The following NFIL3 variants were observed in gnomAD, a reference collection of about 807,000 sequenced individuals.
NFIL3 encodes nuclear factor interleukin-3-regulated protein.
NFIL3 carries 5 observed loss-of-function variants against 10.0 expected under a neutral mutation model. The ratio of observed to expected loss-of-function variants is 0.50; its 90% CI spans 0.26 to 1.06. The LOEUF (loss-of-function observed/expected upper bound fraction) is 1.06, where lower values mean the gene tolerates loss of function less well. Ranked by LOEUF, NFIL3 falls within the 50% of genes least tolerant of loss-of-function variation. NFIL3 has a pLI of 0.13. For missense variants in NFIL3, 436 were observed against 547.6 expected (o/e 0.80, Z 2.03); for synonymous variants, 202 against 206.5 (o/e 0.98, Z 0.19).
chr9:91,449,743 C>T, the NFIL3 span, among the ~76,000 whole-genome samples: 1 of 152,190 alleles, frequency 6.6e-6, no homozygotes, highest in Non-Finnish European at 1.5e-5. Context: ...AAAGTTTCCT[C>T]TCCTCTTCTA....
chr9:91,449,344 G>C, the NFIL3 span, among the ~76,000 whole-genome samples: 11 of 152,056 alleles, frequency 7.2e-5, no homozygotes, highest in East Asian at 2.1e-3. Flanking sequence ...CGGGTTTTTC[G>C]TAAATGCTCT....
the NFIL3 span, among the ~76,000 whole-genome samples, chr9:91,482,570 G>A: frequency 6.6e-6 from 1 of 152,046 alleles, no homozygotes; most frequent in Non-Finnish European, 1.5e-5. Context: ...TGCGATCTTG[G>A]CTCACTATAA....
chr9:91,464,855 T>C, the NFIL3 span, among the ~76,000 whole-genome samples: 1 of 152,122 alleles, frequency 6.6e-6, no homozygotes, highest in Non-Finnish European at 1.5e-5. Context: ...CTGGCTTGCA[T>C]GGATTCTGAT....
the NFIL3 span, among the ~76,000 whole-genome samples, chr9:91,474,552 T>C: frequency 1.3e-5 from 2 of 152,190 alleles, no homozygotes; most frequent in Non-Finnish European, 2.9e-5. Flanking sequence ...TATGATCTAA[T>C]AAGAGTTGTT....
chr9:91,474,155 A>G, the NFIL3 span, among the ~76,000 whole-genome samples: 4 of 151,594 alleles, frequency 2.6e-5, no homozygotes, highest in African/African-American at 9.7e-5. Flanking sequence ...TTCATCATGA[A>G]TGGGTGTTGG....
chr9:91,419,034 T>C (rs1833710697), intron 1 of NFIL3, among the ~76,000 whole-genome samples: 1 of 152,078 alleles, frequency 6.6e-6, no homozygotes, highest in Non-Finnish European at 1.5e-5. Context: ...TCAACTCAAA[T>C]ATAATTTAGA....
chr9:91,453,123 A>T, the NFIL3 span, among the ~76,000 whole-genome samples: 1 of 152,036 alleles, frequency 6.6e-6, no homozygotes, highest in African/African-American at 2.4e-5. Context: ...TGAAGGAAAG[A>T]TCTGTTTCAG....
the NFIL3 span, among the ~76,000 whole-genome samples, chr9:91,482,684 T>G: frequency 6.6e-6 from 1 of 152,110 alleles, no homozygotes; most frequent in Non-Finnish European, 1.5e-5. Flanking sequence ...GTATTTTTAG[T>G]GCAGACGAGA....
intron 1 of NFIL3, among the ~76,000 whole-genome samples, chr9:91,418,266 A>T (rs1441951362): frequency 1.3e-5 from 2 of 152,322 alleles, no homozygotes; most frequent in East Asian, 3.9e-4. Context: ...ATCTATAGAA[A>T]CTTAAATGTG....
the NFIL3 span, among the ~76,000 whole-genome samples, chr9:91,465,908 T>C: frequency 6.6e-6 from 1 of 152,118 alleles, no homozygotes; most frequent in African/African-American, 2.4e-5. Flanking sequence ...GTCTGAGTCT[T>C]GTGGTTCTTT....
the NFIL3 span, among the ~76,000 whole-genome samples, chr9:91,446,048 T>A: frequency 6.6e-6 from 1 of 152,134 alleles, no homozygotes; most frequent in Non-Finnish European, 1.5e-5. Context: ...AGGAGAGAGA[T>A]ACAACATCAG....
the NFIL3 span, among the ~76,000 whole-genome samples, chr9:91,457,950 G>A: frequency 1.1e-4 from 16 of 151,446 alleles, no homozygotes; most frequent in Admixed American, 2.0e-4. Context: ...CTTTTCATTT[G>A]TTCATGTGGT....
In NFIL3 at chr9:91,409,639, C is replaced by T. The variant is rs200055387; in HGVS notation, c.1096G>A (p.Glu366Lys). The stretch of plus-strand genomic sequence containing the variant: ...ACCATACTTGGGGCACTATGCTTTT[C>T]GAGTTCGAAATGTCTTTTAGATGTC... ...DMTSKRHFEL[E>K]KHSAPSMVHS... is the part of the protein sequence containing the mutation. The change falls in exon 2 of 2, where the codon GAA becomes AAA. Residue 366 changes from glutamate to lysine, a missense_variant. Physicochemically the swap from Glu to Lys is moderately conservative, Grantham distance 56. Around this residue, in one of 3 missense-constraint regions of NFIL3, gnomAD observed 338 missense variants for 399.9 expected, o/e 0.85. Transcript: ENST00000297689. 29 of 1,614,170 alleles carry T rather than the reference C, an allele frequency of 1.8e-5. No homozygotes were observed. Among genetic ancestry groups the T allele is most frequent in the Non-Finnish European group, 2.4e-5 (28 of 1,180,036 alleles).
the NFIL3 span, among the ~76,000 whole-genome samples, chr9:91,466,008 G>A: frequency 2.0e-5 from 3 of 151,866 alleles, no homozygotes; most frequent in African/African-American, 7.2e-5. Flanking sequence ...TGGGGTGTGT[G>A]TGATGTACAG....
At chr9:91,446,009 G>A in the NFIL3 span, among the ~76,000 whole-genome samples, 2 of 152,104 alleles carry the variant, frequency 1.3e-5, no homozygotes, top group Non-Finnish European at 2.9e-5. Flanking sequence ...ATTCCAAGAC[G>A]GTGTAGAACA....
chr9:91,413,395 C>T (rs1235670730), intron 1 of NFIL3, among the ~76,000 whole-genome samples: 1 of 151,920 alleles, frequency 6.6e-6, no homozygotes, highest in African/African-American at 2.4e-5. Flanking sequence ...GTTACAGTTA[C>T]GCGCCACCAC....
the NFIL3 span, among the ~76,000 whole-genome samples, chr9:91,471,806 C>G: frequency 2.6e-5 from 4 of 152,164 alleles, no homozygotes; most frequent in South Asian, 4.1e-4. Flanking sequence ...CATCAATGGT[C>G]TTTACAATTT....
chr9:91,418,973 C>G (rs1274339710), intron 1 of NFIL3, among the ~76,000 whole-genome samples: 1 of 151,650 alleles, frequency 6.6e-6, no homozygotes, highest in Non-Finnish European at 1.5e-5. Context: ...TGTCTGTGAT[C>G]AAAGGTCAAC....
At chr9:91,427,706 C>G (rs1425285060), upstream of NFIL3, among the ~76,000 whole-genome samples, 3 of 152,034 alleles carry the variant, frequency 2.0e-5, no homozygotes, top group Non-Finnish European at 4.4e-5. Flanking sequence ...GTGGAGTGAT[C>G]ACGGCTCACT....
Sources: gnomAD v4.1 joint callset for allele counts (sites outside exome capture counted in the v4.1 genomes callset) on GRCh38, gnomAD v4.1.1 for gene constraint, gnomAD v4.1.1 regional missense constraint, MANE v1.5 for transcripts, NCBI Gene and HGNC (gene_info 2026-07-23, HGNC 2026-07-21) for gene names.